KIF26B: variants seen among roughly 807,000 people sequenced by gnomAD.
KIF26B encodes the protein kinesin family member 26B.
Under a neutral mutation model 151.2 loss-of-function variants are expected in KIF26B, and 63 were observed. That is an observed-to-expected ratio of 0.42 (90% CI 0.34 to 0.51). The LOEUF (loss-of-function observed/expected upper bound fraction) is 0.51. KIF26B is among the 20% of genes least tolerant of loss of function. KIF26B has a pLI of 0.07. For missense variants in KIF26B, 2,813 were observed against 2,913.6 expected (o/e 0.97, Z 0.79); for synonymous variants, 1,357 against 1,262.1 (o/e 1.08, Z -1.59).
chr1:245,266,727 G>C (rs1670753767), intron 2 of KIF26B, among the ~76,000 whole-genome samples: 1 of 152,086 alleles, frequency 6.6e-6, no homozygotes, highest in South Asian at 2.1e-4. Context: ...GCCTGGTCTT[G>C]AACTCCTGAC....
At chr1:245,362,270 G>T (rs1298572363) in intron 2 of KIF26B, among the ~76,000 whole-genome samples, 2 of 150,396 alleles carry the variant, frequency 1.3e-5, no homozygotes, top group East Asian at 2.0e-4. Flanking sequence ...GGCTCATGCC[G>T]GTAATCCCAG....
chr1:245,309,965 T>A (rs1211835026), intron 2 of KIF26B, among the ~76,000 whole-genome samples: 3 of 147,368 alleles, frequency 2.0e-5, no homozygotes, highest in African/African-American at 7.4e-5. Flanking sequence ...TATATCCTAT[T>A]AGTCCTGTTT....
intron 3 of KIF26B, among the ~76,000 whole-genome samples, chr1:245,385,239 A>G (rs1022647576): frequency 2.6e-5 from 4 of 152,258 alleles, no homozygotes; most frequent in South Asian, 2.1e-4. Context: ...TAAACATTGC[A>G]TATCTTGCTA....
At chr1:245,156,200 TGGTG>T in intron 1 of KIF26B, 78 bp from the exon 2 acceptor site, 1 of 1,485,762 alleles carries the variant, frequency 6.7e-7, no homozygotes, top group Non-Finnish European at 8.9e-7. Flanking sequence ...AGCGGGTACT[TGGTG>T]GCGCACGTAT....
rs571972207 is a variant in KIF26B, at chr1:245,188,210, G to A, written c.465+31527G>A. Among the ~76,000 whole-genome samples, 5 of 151,284 alleles carry A rather than the reference G, an allele frequency of 3.3e-5. No individual in the cohort carries two copies. The South Asian group carries it at 6.3e-4, about 19-fold the overall frequency. Reference sequence around the variant, plus strand: ...CAGGAGAATCACTTGATCCCAGGAGGTGGAGGTTGCAGTGAGCCTGGATCG... The same window carrying A: ...CAGGAGAATCACTTGATCCCAGGAGATGGAGGTTGCAGTGAGCCTGGATCG... On this transcript the variant is annotated intron_variant, in intron 2 of 14. Coordinates refer to ENST00000407071, the MANE Select transcript of KIF26B (RefSeq NM_018012.4).
intron 2 of KIF26B, among the ~76,000 whole-genome samples, chr1:245,213,239 C>G (rs1200451929): frequency 6.6e-6 from 1 of 152,198 alleles, no homozygotes; most frequent in African/African-American, 2.4e-5. Context: ...GACAGACTCT[C>G]AGGCTGGTGG....
chr1:245,268,560 A>G lies in KIF26B; in HGVS notation c.466-98274A>G, dbSNP rs561387721. Among the ~76,000 whole-genome samples the G allele has an allele frequency of 2.6e-5, 4 of 151,090 alleles. No homozygotes were observed. The East Asian group carries it at 7.8e-4, about 29-fold the overall frequency. On this transcript the variant is annotated intron_variant, in intron 2 of 14. Coordinates refer to ENST00000407071, the MANE Select transcript of KIF26B (RefSeq NM_018012.4). ...TTGGGATTTTAGACCAATGTGAGGG[A>G]AGTTAGCAGCATGGCCCTGAGAAGC...
In KIF26B at chr1:245,303,409, A is replaced by G. The variant is rs1023636002; in HGVS notation, c.466-63425A>G. Among the ~76,000 whole-genome samples, 30 of 150,830 alleles carry G rather than the reference A, an allele frequency of 2.0e-4. 1 individual carries two copies. Among genetic ancestry groups the G allele is most frequent in the Admixed American group, 4.6e-4 (7 of 15,226 alleles). ...GAGACGGGGTTTCACCGTGTTAGCC[A>G]GGATGGTCTCGATCTCCTGACCTCG... On this transcript the variant is annotated intron_variant, in intron 2 of 14. Coordinates refer to ENST00000407071, the MANE Select transcript of KIF26B (RefSeq NM_018012.4).
At chr1:245,403,672 A>G (rs1558152377) in intron 3 of KIF26B, among the ~76,000 whole-genome samples, 2 of 152,198 alleles carry the variant, frequency 1.3e-5, no homozygotes, top group Non-Finnish European at 2.9e-5. Flanking sequence ...TCTGGGGGAA[A>G]AAAACCTCTA....
At chr1:245,172,085 TTGTTTATC>T (rs963197218) in intron 2 of KIF26B, among the ~76,000 whole-genome samples, 47 of 10,486 alleles carry the variant, frequency 4.5e-3, no homozygotes, top group Non-Finnish European at 0.016. Context: ...ATCCACCTGT[TTGTTTATC>T]CACTCATCTA....
At chr1:245,189,077 T>C (rs914425691) in intron 2 of KIF26B, among the ~76,000 whole-genome samples, 4 of 152,204 alleles carry the variant, frequency 2.6e-5, no homozygotes, top group Non-Finnish European at 5.9e-5. Flanking sequence ...TTGTTTAACA[T>C]ACAGAGTTTC....
chr1:245,476,327 C>T (rs1359149426), intron 4 of KIF26B, among the ~76,000 whole-genome samples: 2 of 151,684 alleles, frequency 1.3e-5, no homozygotes, highest in Non-Finnish European at 2.9e-5. Context: ...ATGATTACAT[C>T]ATTACATGCA....
intron 2 of KIF26B, among the ~76,000 whole-genome samples, chr1:245,350,748 G>A (rs971319901): frequency 1.3e-5 from 2 of 152,190 alleles, no homozygotes; most frequent in South Asian, 4.1e-4. Flanking sequence ...TGTGCAGGAG[G>A]AACCACCAGA....
In KIF26B at chr1:245,687,009, C is replaced by T; in HGVS notation, c.4026C>T (p.Ile1342=). The part of the protein sequence containing the change: ...KPKASPDNLL[I]LSEMGDDSFN... ...AGGCCAGCCCCGACAACTTGCTCAT[C>T]CTGTCTGAGATGGGAGATGACTCTT... The change falls in exon 12 of 15, where the codon ATC becomes ATT. Residue 1342 remains isoleucine (I), a synonymous_variant. Transcript: ENST00000407071. The surrounding 1 kb of genome is among the most constrained non-coding windows in gnomAD (Gnocchi z 4.9). The T allele has an allele frequency of 1.2e-6, 2 of 1,613,590 alleles. No homozygotes were observed. Among genetic ancestry groups the T allele is most frequent in the East Asian group, 2.2e-5 (1 of 44,882 alleles).
chr1:245,442,795 ATCTCCCTCACTGTTCACCTACAGCG>A (rs1366482766), intron 4 of KIF26B, among the ~76,000 whole-genome samples: 68 of 114,018 alleles, frequency 6.0e-4, no homozygotes, highest in Middle Eastern at 5.6e-3. Context: ...TACAGCGGTC[ATCTCCCTCACTGTTCACCTACAGCG>A]GTCATCTCCC....
chr1:245,158,158 G>A (rs1429932761), intron 2 of KIF26B, among the ~76,000 whole-genome samples: 1 of 152,166 alleles, frequency 6.6e-6, no homozygotes, highest in Non-Finnish European at 1.5e-5. Context: ...ATATTTGGCA[G>A]TCCTAATACG....
intron 2 of KIF26B, among the ~76,000 whole-genome samples, chr1:245,289,405 AATC>A (rs1157020273): frequency 6.6e-6 from 1 of 152,204 alleles, no homozygotes; most frequent in East Asian, 1.9e-4. Flanking sequence ...GACTTGAAAA[AATC>A]ATCTAATAAA....
chr1:245,524,946 G>A (rs529095300), intron 4 of KIF26B, among the ~76,000 whole-genome samples: 1 of 151,862 alleles, frequency 6.6e-6, no homozygotes, highest in Non-Finnish European at 1.5e-5. Flanking sequence ...GGTCTCTCAG[G>A]GGCATTTAAC....
rs78299471 is a variant in KIF26B at position 245,190,289 on chromosome 1, G to A, written c.465+33606G>A. 4.1e-4 allele frequency among the ~76,000 whole-genome samples: 63 copies of A among 152,318 alleles called. 1 individual carries two copies. The South Asian group carries it at 7.3e-3, about 18-fold the overall frequency. On this transcript the variant is annotated intron_variant, in intron 2 of 14. Coordinates refer to ENST00000407071, the MANE Select transcript of KIF26B (RefSeq NM_018012.4). ...ATGTTCCCCCGAGGGCTCCACAGCC[G>A]GGTGCTCAGATTGCTGGGACTCTCT...
Sources: allele counts gnomAD v4.1 joint callset (sites outside exome capture counted in the v4.1 genomes callset), GRCh38; gene constraint gnomAD v4.1.1; non-coding constraint Gnocchi (gnomAD v3.1); transcripts MANE v1.5; gene names NCBI Gene and HGNC (gene_info 2026-07-23, HGNC 2026-07-21).